NDOR1: variants seen among roughly 807,000 people sequenced by gnomAD.
NDOR1 encodes NADPH-dependent diflavin oxidoreductase 1.
In NDOR1, 61 loss-of-function variants were observed where a neutral mutation model predicts 67.2. The observed-to-expected ratio is 0.91, with a 90% CI of 0.74 to 1.12. The LOEUF is 1.12. Among genes scored for constraint, NDOR1 ranks in the 50% most tolerant of loss-of-function variants. The probability of loss-of-function intolerance (pLI) is 0.00; values close to 1 mark genes in which losing one functional copy is unlikely to be tolerated. For missense variants in NDOR1, 878 were observed against 802.8 expected, an observed-to-expected ratio of 1.09 and a Z score of -1.13; for synonymous variants, 378 against 343.7, an observed-to-expected ratio of 1.10 and a Z score of -1.10.
intron 13 of NDOR1, 32 bp from the exon 14 acceptor site, chr9:137,216,240 C>G: frequency 6.2e-7 from 1 of 1,612,840 alleles, no homozygotes; most frequent in East Asian, 2.2e-5. Flanking sequence ...AGTGCCAGGC[C>G]TCATTGCGCC....
At chr9:137,214,761 C>T (rs1020388011) in intron 7 of NDOR1, 37 bp from the exon 8 acceptor site, 25 of 1,595,410 alleles carry the variant, frequency 1.6e-5, no homozygotes, top group Admixed American at 1.0e-4. Context: ...CCAAGGGCTC[C>T]GCCGCAGCCC....
chr9:137,218,864 TGGA>T lies in NDOR1; in HGVS notation c.*2454_*2456del. ...GACACCAGCGCCCAAGGACAGCTCC[TGGA>T]GGAGGCCAGCCCAGCAGGAAAGTCT... On this transcript the variant is annotated 3_prime_UTR_variant, in exon 14 of 14. Coordinates refer to ENST00000684003, the MANE Select transcript of NDOR1 (RefSeq NM_014434.4). 2 of 381,000 alleles carry T rather than the reference TGGA, an allele frequency of 5.2e-6. No homozygotes were observed. Among genetic ancestry groups the T allele is most frequent in the South Asian group, 1.5e-4 (1 of 6,842 alleles). 23.6% of individuals were successfully genotyped at this position (381,000 alleles called of 1,614,324 possible).
intron 3 of NDOR1, 129 bp from the exon 4 acceptor site, chr9:137,213,651 T>G (rs760998362): frequency 3.2e-6 from 3 of 939,732 alleles, no homozygotes; most frequent in Admixed American, 2.8e-5. Flanking sequence ...TGGAGTGTGT[T>G]TTCCACCCGA....
intron 3 of NDOR1, 82 bp from the exon 4 acceptor site, chr9:137,213,698 T>A: frequency 7.2e-7 from 1 of 1,381,164 alleles, no homozygotes; most frequent in South Asian, 1.3e-5. Flanking sequence ...TCGCCCGGGC[T>A]CCACTCTCCC....
Position 137,218,162 on chromosome 9 carries a change from C to T in NDOR1, c.*1746C>T. 2 of 398,722 alleles carry T rather than the reference C, an allele frequency of 5.0e-6. No individual in the cohort carries two copies. 24.7% of individuals were successfully genotyped at this position (398,722 alleles called of 1,614,324 possible). A position where few individuals can be genotyped will look rare whatever the true frequency, so the allele number is the denominator to read the frequency against. On this transcript the variant is annotated 3_prime_UTR_variant, in exon 14 of 14. Coordinates refer to ENST00000684003, the MANE Select transcript of NDOR1 (RefSeq NM_014434.4). ...CCACGGCCTGTGTGTGGGCTGCCTGCACAGGCTGCTGGGCTCGGCCTCCAG... is the reference window on the plus strand; with the variant it reads ...CCACGGCCTGTGTGTGGGCTGCCTGTACAGGCTGCTGGGCTCGGCCTCCAG...
Position 137,212,384 on chromosome 9 carries a change from T to G in NDOR1, c.214-118T>G. On this transcript the variant is annotated intron_variant, in intron 2 of 13. Coordinates refer to ENST00000684003, the MANE Select transcript of NDOR1 (RefSeq NM_014434.4). This position sits in a 1 kb window ranked among gnomAD's most constrained non-coding sequence, Gnocchi z 4.3. ...CTGCCTTTTGGTCAGATAGGTCCAG[T>G]TGTATTCTGCCCCCATCCTACCCAC... 1.2e-6 allele frequency: 1 copy of G among 841,640 alleles called. No individual in the cohort carries two copies. The highest frequency in any genetic ancestry group is 2.0e-6 in the Non-Finnish European group (1 of 508,566). 52.1% of individuals were successfully genotyped at this position (841,640 alleles called of 1,614,324 possible). A position where few individuals can be genotyped will look rare whatever the true frequency, so the allele number is the denominator to read the frequency against.
chr9:137,213,087 G>A (rs1362673257), intron 3 of NDOR1, among the ~76,000 whole-genome samples: 2 of 152,192 alleles, frequency 1.3e-5, no homozygotes, highest in African/African-American at 2.4e-5. Context: ...GCCCAGGTCC[G>A]CTGAGCACCG....
At position 137,214,357 on chromosome 9, in the gene NDOR1, C is replaced by G; in HGVS notation, c.666C>G (p.Pro222=). Reference sequence around the variant, plus strand: ...TCTCCAACCAGAGAGTCACCGGCCCCTCCCACTTCCAGGACGTTCGGCTGA... The same window carrying G: ...TCTCCAACCAGAGAGTCACCGGCCCGTCCCACTTCCAGGACGTTCGGCTGA... ...PMISNQRVTG[P]SHFQDVRLIE... Residue 222 remains proline, a synonymous_variant, in exon 6 of 14, where the codon CCC becomes CCG. Coordinates refer to ENST00000684003, the MANE Select transcript of NDOR1 (RefSeq NM_014434.4). The G allele has an allele frequency of 6.2e-7, 1 of 1,614,192 alleles. No homozygotes were observed. The highest frequency in any genetic ancestry group is 1.1e-5 in the South Asian group (1 of 91,086).
In NDOR1 at chr9:137,213,223, A is replaced by ATGACGTTGTTTCCTGCG. The variant is rs111466058; in HGVS notation, c.312-546_312-530dup. 5.4e-3 allele frequency among the ~76,000 whole-genome samples: 817 copies of ATGACGTTGTTTCCTGCG among 152,292 alleles called. 6 individuals are homozygous for ATGACGTTGTTTCCTGCG. Among genetic ancestry groups the ATGACGTTGTTTCCTGCG allele is most frequent in the African/African-American group, 0.016 (670 of 41,542 alleles). ...TTCCGTGCGTGACGTAGGTCCGTGC[A>ATGACGTTGTTTCCTGCG]TGACGTTGTTTCCTGCGTGACGTTG... is the stretch of plus-strand genomic sequence containing the variant. On this transcript the variant is annotated intron_variant, in intron 3 of 13. Transcript: ENST00000684003.
chr9:137,207,821 G>A (rs1026206104), intron 2 of NDOR1, among the ~76,000 whole-genome samples: 1 of 152,226 alleles, frequency 6.6e-6, no homozygotes, highest in Non-Finnish European at 1.5e-5. Context: ...CAGCAACTGA[G>A]AGAGTGAGTG....
Position 137,215,909 on chromosome 9 carries a change from GT to G in NDOR1, c.1452del (p.Phe484LeufsTer25). 2 of 1,613,568 alleles carry G rather than the reference GT, an allele frequency of 1.2e-6. No individual in the cohort carries two copies. The highest frequency in any genetic ancestry group is 1.1e-5 in the South Asian group (1 of 91,088). ...VAQGQTGNFL[F>X]FGCRWRDQDF... ...CCTGTATTTCCCTAGGAAACTTCTTGTTTTTTGGCTGCCGCTGGCGGGACCA... is the reference window on the plus strand; with the variant it reads ...CCTGTATTTCCCTAGGAAACTTCTTGTTTTTGGCTGCCGCTGGCGGGACCA... On this transcript the variant is annotated frameshift_variant, in exon 12 of 14. Coordinates refer to ENST00000684003, the MANE Select transcript of NDOR1 (RefSeq NM_014434.4). LOFTEE classifies it high-confidence loss of function.
chr9:137,210,967 C>T (rs1835224623), intron 2 of NDOR1, among the ~76,000 whole-genome samples: 1 of 151,970 alleles, frequency 6.6e-6, no homozygotes, highest in African/African-American at 2.4e-5. Flanking sequence ...ATGGTGAAAC[C>T]CTGTCTCTAC....
At position 137,216,009 on chromosome 9, in the gene NDOR1, C is replaced by A. The variant is rs866758932; in HGVS notation, c.1546C>A (p.Arg516=). ...TCTGACCCTCATCCCTGCCTTCTCCCGGGAACAGGTGTGTATGCTCAGGGG... is the reference window on the plus strand; with the variant it reads ...TCTGACCCTCATCCCTGCCTTCTCCAGGGAACAGGTGTGTATGCTCAGGGG... The part of the protein sequence containing the change: ...DCLTLIPAFS[R]EQEQKVYVQH... The change falls in exon 12 of 14, where the codon CGG becomes AGG. Residue 516 remains arginine (R), a synonymous_variant. Coordinates refer to ENST00000684003, the MANE Select transcript of NDOR1 (RefSeq NM_014434.4). The A allele has an allele frequency of 6.2e-7, 1 of 1,613,496 alleles. No individual in the cohort carries two copies.
Position 137,206,308 on chromosome 9 carries a change from A to C in NDOR1, c.212A>C (p.Lys71Thr). 2 of 1,613,894 alleles carry C rather than the reference A, an allele frequency of 1.2e-6. No individual in the cohort carries two copies. Among genetic ancestry groups the C allele is most frequent in the Non-Finnish European group, 1.7e-6 (2 of 1,179,956 alleles). Residue 71 changes from lysine to threonine, a missense_variant and splice_region_variant, in exon 2 of 14, where the codon AAG becomes ACG. Coordinates refer to ENST00000684003, the MANE Select transcript of NDOR1 (RefSeq NM_014434.4). ...TGQGDPPDNM[K>T]NFWRFIFRKN... Reference sequence around the variant, plus strand: ...CAAGGAGACCCCCCTGACAACATGAAGGTAAGGCTGGCCTGATGTGGCTCC... The same window carrying C: ...CAAGGAGACCCCCCTGACAACATGACGGTAAGGCTGGCCTGATGTGGCTCC...
At chr9:137,207,293 C>T (rs527645960) in intron 2 of NDOR1, among the ~76,000 whole-genome samples, 3 of 151,784 alleles carry the variant, frequency 2.0e-5, no homozygotes, top group African/African-American at 7.3e-5. Flanking sequence ...AGAGAGTCCC[C>T]GGGACATGGA....
chr9:137,209,584 C>T (rs940248221), intron 2 of NDOR1, among the ~76,000 whole-genome samples: 1 of 152,210 alleles, frequency 6.6e-6, no homozygotes, highest in Non-Finnish European at 1.5e-5. Context: ...GCTGTGGACC[C>T]AGGGCCCATG....
At chr9:137,214,144 C>T (rs575820738) in intron 5 of NDOR1, 60 bp from the exon 6 acceptor site, 17 of 1,544,538 alleles carry the variant, frequency 1.1e-5, no homozygotes, top group Admixed American at 1.9e-5. Context: ...GGGTCCCTCC[C>T]GTGTGGGTGG....
chr9:137,215,657 A>G lies in NDOR1; in HGVS notation c.1289-2A>G. 6.4e-7 allele frequency: 1 copy of G among 1,574,102 alleles called. No individual in the cohort carries two copies. Among genetic ancestry groups the G allele is most frequent in the Non-Finnish European group, 8.6e-7 (1 of 1,159,470 alleles). ...CTTCATGCCACCTCCTTCCTGCAAT[A>G]GGACCTGTCCGGGTGCCCCTCTGGG... On this transcript the variant is annotated splice_acceptor_variant, in intron 10 of 13. Coordinates refer to ENST00000684003, the MANE Select transcript of NDOR1 (RefSeq NM_014434.4). LOFTEE classifies it high-confidence loss of function.
Position 137,215,677 on chromosome 9 carries a change from T to TCTGGGTGCG in NDOR1, c.1308_1316dup (p.Trp437_Arg439dup). The TCTGGGTGCG allele has an allele frequency of 6.4e-7, 1 of 1,571,528 alleles. No homozygotes were observed. The highest frequency in any genetic ancestry group is 8.6e-7 in the Non-Finnish European group (1 of 1,158,096). On this transcript the variant is annotated inframe_insertion, in exon 11 of 14. Transcript: ENST00000684003. The stretch of plus-strand genomic sequence containing the variant: ...GCAATAGGACCTGTCCGGGTGCCCC[T>TCTGGGTGCG]CTGGGTGCGGCCTGGGAGTCTGGCC...
Sources: gnomAD v4.1 joint callset for allele counts (sites outside exome capture counted in the v4.1 genomes callset) on GRCh38, gnomAD v4.1.1 for gene constraint, Gnocchi (gnomAD v3.1) non-coding constraint, MANE v1.5 for transcripts, NCBI Gene and HGNC (gene_info 2026-07-23, HGNC 2026-07-21) for gene names.